Variants in KIF6 observed in about 807,000 individuals in gnomAD.
KIF6 encodes the protein kinesin-like protein KIF6.
In KIF6, 106 loss-of-function variants were observed where a neutral mutation model predicts 112.7. The observed-to-expected ratio is 0.94, with a 90% CI of 0.80 to 1.11. KIF6 has a LOEUF of 1.11. Ranked by LOEUF, KIF6 falls within the 50% of genes least tolerant of loss-of-function variation. KIF6 has a pLI of 0.00. For missense variants in KIF6, 929 were observed against 964.0 expected, an observed-to-expected ratio of 0.96 and a Z score of 0.48; for synonymous variants, 339 against 339.9, an observed-to-expected ratio of 1.00 and a Z score of 0.03.
At position 39,357,347 on chromosome 6, in the gene KIF6, C is replaced by T. The variant is rs1355696827; in HGVS notation, c.2110G>A (p.Asp704Asn). ...GTCTGGAGAAATGGCTTCGTGTGATCGAGTGAATTCACTGCTGGAGAATTT... is the reference window on the plus strand; with the variant it reads ...GTCTGGAGAAATGGCTTCGTGTGATTGAGTGAATTCACTGCTGGAGAATTT... ...QVNSPAVNSL[D>N]HTKPFLQTSD... is the part of the protein sequence containing the mutation. Residue 704 changes from aspartate to asparagine, a missense_variant, in exon 19 of 23, where the codon GAT (aspartate) becomes AAT (asparagine). Physicochemically the swap from Asp to Asn is conservative, Grantham distance 23. Coordinates refer to ENST00000287152, the MANE Select transcript of KIF6 (RefSeq NM_145027.6). 2.4e-5 allele frequency: 38 copies of T among 1,613,486 alleles called. No individual in the cohort carries two copies. The highest frequency in any genetic ancestry group is 8.8e-5 in the South Asian group (8 of 91,060).
intron 13 of KIF6, among the ~76,000 whole-genome samples, chr6:39,538,921 C>G (rs1778613273): frequency 6.6e-6 from 1 of 151,094 alleles, no homozygotes. Flanking sequence ...TTTGTAGGGA[C>G]ATGGATGAAA....
intron 13 of KIF6, among the ~76,000 whole-genome samples, chr6:39,493,379 A>G (rs1368784460): frequency 6.6e-6 from 1 of 152,234 alleles, no homozygotes; most frequent in Non-Finnish European, 1.5e-5. Context: ...CAGAGCCAAG[A>G]CTAGAAATTC....
intron 13 of KIF6, among the ~76,000 whole-genome samples, chr6:39,453,009 G>C (rs541574533): frequency 6.6e-6 from 1 of 152,210 alleles, no homozygotes; most frequent in Non-Finnish European, 1.5e-5. Flanking sequence ...TAAAGAATCA[G>C]TGATGACGGA....
chr6:39,394,206 T>C (rs557919233), intron 15 of KIF6, among the ~76,000 whole-genome samples: 10 of 152,134 alleles, frequency 6.6e-5, no homozygotes, highest in African/African-American at 2.4e-4. Context: ...AAATAGAAAA[T>C]GTACTTTAAT....
intron 15 of KIF6, among the ~76,000 whole-genome samples, chr6:39,415,530 C>A (rs1223186757): frequency 6.6e-6 from 1 of 152,160 alleles, no homozygotes; most frequent in Non-Finnish European, 1.5e-5. Flanking sequence ...GCTGTTACTG[C>A]TGGTGTTGTC....
At chr6:39,338,979 T>C (rs1190067862) in intron 22 of KIF6, among the ~76,000 whole-genome samples, 1 of 152,010 alleles carries the variant, frequency 6.6e-6, no homozygotes, top group Admixed American at 6.6e-5. Flanking sequence ...GAAGAAATGC[T>C]ACAGAATAGG....
At chr6:39,337,228 T>TTTC (rs1485008815) in intron 22 of KIF6, among the ~76,000 whole-genome samples, 7 of 101,160 alleles carry the variant, frequency 6.9e-5, no homozygotes, top group Admixed American at 1.9e-4. Context: ...TCTTTCTTTC[T>TTTC]TTCTTTCTTT....
intron 10 of KIF6, among the ~76,000 whole-genome samples, chr6:39,574,643 T>C (rs1780831240): frequency 6.6e-6 from 1 of 152,190 alleles, no homozygotes; most frequent in African/African-American, 2.4e-5. Context: ...ACTATATGGC[T>C]TAGCACTTGG....
At chr6:39,472,125 C>T (rs574599130) in intron 13 of KIF6, among the ~76,000 whole-genome samples, 1 of 152,252 alleles carries the variant, frequency 6.6e-6, no homozygotes, top group South Asian at 2.1e-4. Context: ...TCCATTTCCT[C>T]AACTACTCTT....
intron 3 of KIF6, among the ~76,000 whole-genome samples, chr6:39,688,062 G>A (rs1330562920): frequency 3.9e-5 from 6 of 152,218 alleles, no homozygotes; most frequent in African/African-American, 1.4e-4. Context: ...TCCAAAAGGA[G>A]TGAGAAAGTT....
At chr6:39,572,847 A>G (rs1312414834) in intron 10 of KIF6, among the ~76,000 whole-genome samples, 2 of 151,208 alleles carry the variant, frequency 1.3e-5, no homozygotes, top group African/African-American at 2.4e-5. Flanking sequence ...TAAAAATATC[A>G]TAATAACTGG....
chr6:39,590,451 A>ATTT lies in KIF6; in HGVS notation c.847-4050_847-4048dup, dbSNP rs58169713. 8.0e-3 allele frequency among the ~76,000 whole-genome samples: 675 copies of ATTT among 84,710 alleles called. 7 individuals are homozygous for ATTT. The highest frequency in any genetic ancestry group is 0.023 in the Middle Eastern group (3 of 132). 55.6% of individuals were successfully genotyped at this position (84,710 alleles called of 152,430 possible). A position where few individuals can be genotyped will look rare whatever the true frequency, so the allele number is the denominator to read the frequency against. On this transcript the variant is annotated intron_variant, in intron 7 of 22. Coordinates refer to ENST00000287152, the MANE Select transcript of KIF6 (RefSeq NM_145027.6). ...TGTGTATATATATATATATATATAT[A>ATTT]TTTTTTTTTTTTTTTTGAGATGGAG... is the stretch of plus-strand genomic sequence containing the variant.
intron 3 of KIF6, among the ~76,000 whole-genome samples, chr6:39,692,939 C>G (rs184107985): frequency 3.0e-4 from 45 of 152,162 alleles, no homozygotes; most frequent in Middle Eastern, 6.8e-3. Flanking sequence ...AATGAAGTAG[C>G]CTCTCAGCAT....
At chr6:39,505,474 T>C (rs751471133) in intron 13 of KIF6, among the ~76,000 whole-genome samples, 1 of 152,264 alleles carries the variant, frequency 6.6e-6, no homozygotes, top group South Asian at 2.1e-4. Context: ...CCTAAAGCAA[T>C]TGCAACAAAA....
chr6:39,651,121 A>C (rs1296449348), intron 3 of KIF6, among the ~76,000 whole-genome samples: 1 of 152,118 alleles, frequency 6.6e-6, no homozygotes, highest in Non-Finnish European at 1.5e-5. Context: ...AGAGATAGAA[A>C]GCATTTAAAG....
At chr6:39,540,297 A>C in intron 12 of KIF6, 76 bp from the exon 13 acceptor site, 1 of 927,604 alleles carries the variant, frequency 1.1e-6, no homozygotes, top group Non-Finnish European at 1.6e-6. Context: ...AAGTGTCATT[A>C]ATGTTCCTAA....
At chr6:39,633,968 T>C (rs1401794094) in intron 5 of KIF6, among the ~76,000 whole-genome samples, 5 of 152,210 alleles carry the variant, frequency 3.3e-5, no homozygotes, top group African/African-American at 1.2e-4. Flanking sequence ...AAGAGTCCCA[T>C]ATCCAAGTCA....
chr6:39,507,004 T>C (rs1776460500), intron 13 of KIF6, among the ~76,000 whole-genome samples: 1 of 152,212 alleles, frequency 6.6e-6, no homozygotes, highest in African/African-American at 2.4e-5. Context: ...TGTATCTTTA[T>C]AATAAACCAT....
intron 3 of KIF6, among the ~76,000 whole-genome samples, chr6:39,662,079 TCATTGGGC>T (rs773162452): frequency 3.2e-4 from 49 of 152,340 alleles, no homozygotes; most frequent in Non-Finnish European, 2.4e-4. Context: ...ACTTTTCATA[TCATTGGGC>T]CATTCTAGTT....
Sources: gnomAD v4.1 joint callset for allele counts (sites outside exome capture counted in the v4.1 genomes callset) on GRCh38, gnomAD v4.1.1 for gene constraint, MANE v1.5 for transcripts, NCBI Gene and HGNC (gene_info 2026-07-23, HGNC 2026-07-21) for gene names.